The following NALF1 variants were observed in gnomAD, a reference collection of about 807,000 sequenced individuals.
The protein encoded by NALF1 is family with sequence similarity 155 member A.
In NALF1, 3 loss-of-function variants were observed where a neutral mutation model predicts 48.4. The observed-to-expected ratio is 0.06, with a 90% CI of 0.03 to 0.16. The LOEUF is 0.16. Ranked by LOEUF, NALF1 falls within the 10% of genes least tolerant of loss-of-function variation. The probability of loss-of-function intolerance (pLI) is 1.00; values close to 1 mark genes in which losing one functional copy is unlikely to be tolerated. For missense variants in NALF1, 526 were observed against 571.5 expected (o/e 0.92, Z 0.81); for synonymous variants, 262 against 245.7 (o/e 1.07, Z -0.62).
intron 1 of NALF1, among the ~76,000 whole-genome samples, chr13:107,390,050 C>T (rs982377928): frequency 2.6e-5 from 4 of 151,922 alleles, no homozygotes; most frequent in Admixed American, 2.6e-4. Context: ...AATGGTTGGC[C>T]CACTTTAGTA....
chr13:107,341,296 T>C (rs1402375567), intron 1 of NALF1, among the ~76,000 whole-genome samples: 2 of 152,058 alleles, frequency 1.3e-5, no homozygotes, highest in Admixed American at 6.5e-5. Context: ...TTTGAAAACA[T>C]AGAATGCAAT....
At chr13:107,839,131 A>C (rs1241405618) in intron 1 of NALF1, among the ~76,000 whole-genome samples, 1 of 151,944 alleles carries the variant, frequency 6.6e-6, no homozygotes, top group Non-Finnish European at 1.5e-5. Context: ...GCTATGTAAC[A>C]AGACTAGGGG....
rs1470915235 is a variant in NALF1, at chr13:107,492,638, T to C, written c.916-281883A>G. The stretch of plus-strand genomic sequence containing the variant: ...TATTTTTCTAATTGGCTATTTAATT[T>C]TCTCTCTTCCTACTTTTCTATCAGT... On this transcript the variant is annotated intron_variant, in intron 1 of 2. Coordinates refer to ENST00000375915, the MANE Select transcript of NALF1 (RefSeq NM_001080396.3). Among the ~76,000 whole-genome samples the C allele has an allele frequency of 3.9e-5, 6 of 152,306 alleles. No individual in the cohort carries two copies. In the East Asian group the frequency reaches 1.2e-3, roughly 29 times the overall value.
At chr13:107,583,323 A>C (rs1878366451) in intron 1 of NALF1, among the ~76,000 whole-genome samples, 1 of 152,198 alleles carries the variant, frequency 6.6e-6, no homozygotes, top group Admixed American at 6.5e-5. Context: ...ATAAATGTTC[A>C]AATAATGTTA....
chr13:107,233,955 T>G (rs1395792648), intron 1 of NALF1, among the ~76,000 whole-genome samples: 1 of 152,234 alleles, frequency 6.6e-6, no homozygotes, highest in Non-Finnish European at 1.5e-5. Context: ...GACATTGTTA[T>G]TTGAATTATT....
intron 1 of NALF1, among the ~76,000 whole-genome samples, chr13:107,335,329 C>T (rs1415485343): frequency 6.6e-6 from 1 of 152,160 alleles, no homozygotes; most frequent in Non-Finnish European, 1.5e-5. Context: ...CTATTGGGCA[C>T]TGTCATTAAA....
chr13:107,760,501 T>C (rs1456024129), intron 1 of NALF1, among the ~76,000 whole-genome samples: 1 of 152,330 alleles, frequency 6.6e-6, no homozygotes, highest in Admixed American at 6.5e-5. Context: ...TGATGAATTA[T>C]ATTTTCACAG....
chr13:107,564,403 C>T (rs1053058628), intron 1 of NALF1, among the ~76,000 whole-genome samples: 1 of 152,166 alleles, frequency 6.6e-6, no homozygotes, highest in Non-Finnish European at 1.5e-5. Context: ...TCCCTGTCTT[C>T]CCACCTGTCC....
intron 1 of NALF1, among the ~76,000 whole-genome samples, chr13:107,648,601 T>C (rs1880372011): frequency 1.3e-5 from 2 of 152,188 alleles, no homozygotes; most frequent in African/African-American, 4.8e-5. Context: ...GACATCTTGG[T>C]TGCTTCCAAG....
intron 1 of NALF1, among the ~76,000 whole-genome samples, chr13:107,784,632 A>G (rs1466536712): frequency 6.6e-6 from 1 of 152,226 alleles, no homozygotes; most frequent in African/African-American, 2.4e-5. Context: ...CAAATAGCCA[A>G]CAAACATATG....
At chr13:107,496,518 A>G (rs1248006479) in intron 1 of NALF1, among the ~76,000 whole-genome samples, 1 of 152,158 alleles carries the variant, frequency 6.6e-6, no homozygotes, top group Non-Finnish European at 1.5e-5. Flanking sequence ...GTAGGAGTAG[A>G]GCTGCCAGTC....
At chr13:107,534,981 A>C (rs1429177733) in intron 1 of NALF1, among the ~76,000 whole-genome samples, 1 of 152,018 alleles carries the variant, frequency 6.6e-6, no homozygotes, top group Non-Finnish European at 1.5e-5. Flanking sequence ...TTTTTAAAGG[A>C]GTGTTTCTGT....
intron 1 of NALF1, among the ~76,000 whole-genome samples, chr13:107,342,482 C>G (rs1175182319): frequency 6.6e-6 from 1 of 152,032 alleles, no homozygotes. Context: ...ATATACAGCC[C>G]AAAACCTTTA....
At chr13:107,686,067 G>T (rs888106369) in intron 1 of NALF1, among the ~76,000 whole-genome samples, 4 of 152,224 alleles carry the variant, frequency 2.6e-5, no homozygotes, top group Non-Finnish European at 5.9e-5. Context: ...GCTGGGCCTC[G>T]AGGGGAGGAC....
intron 1 of NALF1, among the ~76,000 whole-genome samples, chr13:107,522,609 G>T (rs1205195846): frequency 1.4e-5 from 2 of 147,850 alleles, no homozygotes; most frequent in Non-Finnish European, 3.0e-5. Flanking sequence ...GAAATATCCA[G>T]ATTTTTTTTT....
intron 1 of NALF1, among the ~76,000 whole-genome samples, chr13:107,737,959 CAG>C (rs1455941727): frequency 6.6e-6 from 1 of 152,048 alleles, no homozygotes; most frequent in Non-Finnish European, 1.5e-5. Context: ...ATATTTTTTT[CAG>C]AGTCATAAAT....
chr13:107,473,714 T>C (rs1398685452), intron 1 of NALF1, among the ~76,000 whole-genome samples: 1 of 152,174 alleles, frequency 6.6e-6, no homozygotes, highest in Non-Finnish European at 1.5e-5. Flanking sequence ...TTTCACTCCA[T>C]TCAGCAGACG....
intron 1 of NALF1, among the ~76,000 whole-genome samples, chr13:107,474,208 C>G (rs143090902): frequency 6.6e-6 from 1 of 152,166 alleles, no homozygotes; most frequent in Admixed American, 6.5e-5. Context: ...AAATCCCTAA[C>G]ATTGTCAATG....
chr13:107,615,670 T>C (rs1179574111), intron 1 of NALF1, among the ~76,000 whole-genome samples: 2 of 152,272 alleles, frequency 1.3e-5, no homozygotes, highest in African/African-American at 4.8e-5. Flanking sequence ...TGCCCTGATA[T>C]AAAAAGGGTG....
Sources: gnomAD v4.1 joint callset for allele counts (sites outside exome capture counted in the v4.1 genomes callset) on GRCh38, gnomAD v4.1.1 for gene constraint, MANE v1.5 for transcripts, NCBI Gene and HGNC (gene_info 2026-07-23, HGNC 2026-07-21) for gene names.